The following HIGD1A variants were observed in gnomAD, a reference collection of about 807,000 sequenced individuals.
HIGD1A encodes HIG1 domain family member 1A, mitochondrial.
A neutral mutation model predicts 11.3 loss-of-function variants in HIGD1A; 8 were observed. That is an observed-to-expected ratio of 0.71 (90% CI 0.42 to 1.28). The LOEUF (loss-of-function observed/expected upper bound fraction) is 1.28, where lower values mean the gene tolerates loss of function less well. Among genes scored for constraint, HIGD1A ranks in the 50% most tolerant of loss-of-function variants. The pLI is 0.01. For missense variants in HIGD1A, 107 were observed against 118.8 expected, an observed-to-expected ratio of 0.90 and a Z score of 0.46; for synonymous variants, 32 against 38.4, an observed-to-expected ratio of 0.83 and a Z score of 0.62.
chr3:42,800,374 C>CA (rs1227878951), intron 1 of HIGD1A, among the ~76,000 whole-genome samples: 1 of 151,636 alleles, frequency 6.6e-6, no homozygotes, highest in Admixed American at 6.6e-5. Flanking sequence ...AAAAAAAAAA[C>CA]ATGACCTTCT....
chr3:42,795,612 T>C (rs925070588), intron 1 of HIGD1A, among the ~76,000 whole-genome samples: 2 of 152,134 alleles, frequency 1.3e-5, no homozygotes, highest in Admixed American at 1.3e-4. Context: ...TTCATTTACA[T>C]ACCTTATATC....
intron 1 of HIGD1A, chr3:42,804,024 C>T: frequency 1.2e-6 from 1 of 824,972 alleles, no homozygotes; most frequent in Non-Finnish European, 1.9e-6. Flanking sequence ...TCCCGCCTCG[C>T]CTGCCGCTTA....
chr3:42,788,030 C>T (rs1047422800), intron 2 of HIGD1A, among the ~76,000 whole-genome samples: 2 of 150,908 alleles, frequency 1.3e-5, no homozygotes, highest in South Asian at 2.1e-4. Flanking sequence ...ATACCCCCAC[C>T]TCTAACCACT....
chr3:42,793,098 AAAC>A (rs989379958), intron 2 of HIGD1A, among the ~76,000 whole-genome samples: 4 of 152,124 alleles, frequency 2.6e-5, no homozygotes, highest in Non-Finnish European at 4.4e-5. Flanking sequence ...AAAAAAGAAA[AAAC>A]AACTGGAGAA....
intron 2 of HIGD1A, among the ~76,000 whole-genome samples, chr3:42,792,314 C>T (rs1399351442): frequency 6.6e-6 from 1 of 152,084 alleles, no homozygotes; most frequent in East Asian, 1.9e-4. Context: ...TAAATTTCTA[C>T]CAAGAGGATT....
At chr3:42,795,692 C>G (rs949399379) in intron 1 of HIGD1A, among the ~76,000 whole-genome samples, 6 of 150,592 alleles carry the variant, frequency 4.0e-5, no homozygotes, top group Non-Finnish European at 2.9e-5. Context: ...AAGGCAAGAT[C>G]TAGCCTGATA....
At position 42,785,172 on chromosome 3, in the gene HIGD1A, T is replaced by C; in HGVS notation, c.*99A>G. On this transcript the variant is annotated 3_prime_UTR_variant, in exon 4 of 4. Coordinates refer to ENST00000321331, the MANE Select transcript of HIGD1A (RefSeq NM_014056.4). ...AATGCCATGTTACCATCTAAACCCATACAAATTAGTTTATTTCCAACAATA... is the reference window on the plus strand; with the variant it reads ...AATGCCATGTTACCATCTAAACCCACACAAATTAGTTTATTTCCAACAATA... The C allele has an allele frequency of 3.2e-6, 3 of 939,638 alleles. No individual in the cohort carries two copies. The highest frequency in any genetic ancestry group is 2.9e-5 in the South Asian group (2 of 68,022). The allele number at this position is 939,638 out of a possible 1,614,324, so 58.2% of individuals were successfully genotyped here. A position where few individuals can be genotyped will look rare whatever the true frequency, so the allele number is the denominator to read the frequency against.
intron 1 of HIGD1A, chr3:42,804,140 C>A: frequency 6.2e-7 from 1 of 1,605,958 alleles, no homozygotes; most frequent in Non-Finnish European, 8.5e-7. Flanking sequence ...ATTACCACCC[C>A]ATCAGCGAGT....
At chr3:42,785,476 A>T in intron 3 of HIGD1A, 156 bp from the exon 4 acceptor site, 1 of 595,218 alleles carries the variant, frequency 1.7e-6, no homozygotes, top group Non-Finnish European at 3.0e-6. Flanking sequence ...TTGCCTTCTT[A>T]AACATCTTAA....
At position 42,786,206 on chromosome 3, in the gene HIGD1A, C is replaced by T. The variant is rs62246626; in HGVS notation, c.98-44G>A. 6.9e-3 allele frequency: 11,027 copies of T among 1,604,912 alleles called. 53 individuals are homozygous for T. The highest frequency in any genetic ancestry group is 8.3e-3 in the Non-Finnish European group (9,719 of 1,172,776). On this transcript the variant is annotated intron_variant, in intron 2 of 3. Transcript: ENST00000321331. The stretch of plus-strand genomic sequence containing the variant: ...AGTATGTCAGATGCATGAGAAGGGA[C>T]CAAGATGACTTTACCATCAGTCAAT...
In HIGD1A at chr3:42,784,400, T is replaced by C. The variant is rs1425640691; in HGVS notation, c.*871A>G. The C allele has an allele frequency of 6.6e-6, 1 of 152,292 alleles. No individual in the cohort carries two copies. The highest frequency in any genetic ancestry group is 2.4e-5 in the African/African-American group (1 of 41,478). 9.4% of individuals were successfully genotyped at this position (152,292 alleles called of 1,614,324 possible). A position where few individuals can be genotyped will look rare whatever the true frequency, so the allele number is the denominator to read the frequency against. ...GAGAATTTCACAAGTGTGATAGCCT[T>C]CTGTATATTATATAAAAGTTTGGGT... On this transcript the variant is annotated 3_prime_UTR_variant, in exon 4 of 4. Coordinates refer to ENST00000321331, the MANE Select transcript of HIGD1A (RefSeq NM_014056.4).
At chr3:42,788,865 G>A (rs531713952) in intron 2 of HIGD1A, among the ~76,000 whole-genome samples, 11 of 151,240 alleles carry the variant, frequency 7.3e-5, no homozygotes, top group South Asian at 4.2e-4. Context: ...GCGACAGAGC[G>A]GGACTGTCTC....
intron 3 of HIGD1A, 158 bp from the exon 4 acceptor site, chr3:42,785,478 A>C: frequency 1.7e-6 from 1 of 594,992 alleles, no homozygotes; most frequent in Admixed American, 3.2e-5. Context: ...GCCTTCTTAA[A>C]CATCTTAAAT....
chr3:42,794,042 G>A, intron 2 of HIGD1A, 115 bp downstream of exon 2: 2 of 996,844 alleles, frequency 2.0e-6, no homozygotes, highest in South Asian at 1.6e-5. Context: ...GCCAATCTCA[G>A]CATATTTCAA....
chr3:42,796,377 A>G (rs1402205051), intron 1 of HIGD1A, among the ~76,000 whole-genome samples: 2 of 152,138 alleles, frequency 1.3e-5, no homozygotes, highest in Non-Finnish European at 2.9e-5. Flanking sequence ...TACTCACTAT[A>G]TATCTGAATA....
chr3:42,799,879 G>A (rs1031743072), intron 1 of HIGD1A, among the ~76,000 whole-genome samples: 1 of 152,210 alleles, frequency 6.6e-6, no homozygotes. Flanking sequence ...AATTTAGAGA[G>A]AGTGATGTAT....
rs1384683786 is a variant in HIGD1A at position 42,786,061 on chromosome 3, C to A, written c.199G>T (p.Ala67Ser). 6.2e-7 allele frequency: 1 copy of A among 1,612,840 alleles called. No homozygotes were observed. The highest frequency in any genetic ancestry group is 1.3e-5 in the African/African-American group (1 of 75,018). Residue 67 changes from alanine to serine, a missense_variant, in exon 3 of 4, where the codon GCC becomes TCC. Physicochemically the swap from Ala to Ser is moderately conservative, Grantham distance 99 (BLOSUM62 1). Coordinates refer to ENST00000321331, the MANE Select transcript of HIGD1A (RefSeq NM_014056.4). ...ATTGCTCCTACAACAAAGCCTTGGG[C>A]TGCCACACGCATGTGGATCAGATGA... Reference protein sequence around the residue: ...SIHLIHMRVAAQGFVVGAMTV... With the variant: ...SIHLIHMRVASQGFVVGAMTV...
At chr3:42,794,500 C>T (rs1700470521) in intron 1 of HIGD1A, among the ~76,000 whole-genome samples, 1 of 152,174 alleles carries the variant, frequency 6.6e-6, no homozygotes, top group African/African-American at 2.4e-5. Context: ...GCCGTTTCCC[C>T]TGTACAACCC....
At chr3:42,796,421 A>G in intron 1 of HIGD1A, among the ~76,000 whole-genome samples, 1 of 144,790 alleles carries the variant, frequency 6.9e-6, no homozygotes, top group East Asian at 2.2e-4. Flanking sequence ...TTAATCGTTC[A>G]AAAATTAGTT....
Sources: allele counts gnomAD v4.1 joint callset (sites outside exome capture counted in the v4.1 genomes callset), GRCh38; gene constraint gnomAD v4.1.1; transcripts MANE v1.5; gene names NCBI Gene and HGNC (gene_info 2026-07-23, HGNC 2026-07-21).